The following MAP4K4 variants were observed in gnomAD, a reference collection of about 807,000 sequenced individuals.
The protein encoded by MAP4K4 is HPK/GCK-like kinase HGK.
MAP4K4 carries 38 observed loss-of-function variants against 189.6 expected under a neutral mutation model. The ratio of observed to expected loss-of-function variants is 0.20; its 90% CI spans 0.15 to 0.26. The LOEUF (loss-of-function observed/expected upper bound fraction) is 0.26, where lower values mean the gene tolerates loss of function less well. MAP4K4 is among the 10% of genes least tolerant of loss of function. The pLI is 1.00. For synonymous variants in MAP4K4, 610 were observed against 624.3 expected (o/e 0.98, Z 0.34); for missense variants, 1,054 against 1,726.9 (o/e 0.61, Z 6.91).
chr2:101,697,812 G>C (rs1470350489), exon 1 of MAP4K4: 1 of 144,916 alleles, frequency 6.9e-6, no homozygotes, highest in East Asian at 2.1e-4. Context: ...CGACGCCCGG[G>C]GGCCTGACGG....
At chr2:101,844,078 G>A in intron 11 of MAP4K4, 23 bp from the exon 12 acceptor site, 1 of 1,585,982 alleles carries the variant, frequency 6.3e-7, no homozygotes, top group South Asian at 1.1e-5. Context: ...GCACACCCCT[G>A]AAAGCCCTGC....
intron 2 of MAP4K4, among the ~76,000 whole-genome samples, chr2:101,750,748 C>T (rs2068476468): frequency 6.6e-6 from 1 of 151,460 alleles, no homozygotes; most frequent in African/African-American, 2.4e-5. Context: ...TTGCCTGAGC[C>T]TGGGAGGTGG....
intron 2 of MAP4K4, among the ~76,000 whole-genome samples, chr2:101,711,667 A>G (rs2045628453): frequency 6.6e-6 from 1 of 152,202 alleles, no homozygotes; most frequent in Admixed American, 6.5e-5. Flanking sequence ...CCATTCTCTA[A>G]TCATACTGGA....
intron 2 of MAP4K4, among the ~76,000 whole-genome samples, chr2:101,726,301 A>G (rs1362302389): frequency 6.6e-6 from 1 of 152,210 alleles, no homozygotes; most frequent in Non-Finnish European, 1.5e-5. Flanking sequence ...CTGCTTCTGA[A>G]TTAAGGTGGA....
chr2:101,830,316 T>G (rs1185772446), intron 6 of MAP4K4, among the ~76,000 whole-genome samples: 1 of 152,160 alleles, frequency 6.6e-6, no homozygotes, highest in Non-Finnish European at 1.5e-5. Context: ...CTTGATAAAT[T>G]TCTGCGTGGT....
At chr2:101,762,145 G>C (rs2076760759) in intron 2 of MAP4K4, among the ~76,000 whole-genome samples, 1 of 152,180 alleles carries the variant, frequency 6.6e-6, no homozygotes, top group Non-Finnish European at 1.5e-5. Flanking sequence ...TTTTAGTTAA[G>C]CATTCAGTAG....
Position 101,867,956 on chromosome 2 carries a change from C to T in MAP4K4, c.2455-73C>T, listed in dbSNP as rs192536592. The T allele has an allele frequency of 6.6e-5, 99 of 1,491,114 alleles. No homozygotes were observed. In the Middle Eastern group the frequency reaches 2.6e-3, roughly 39 times the overall value. 92.4% of individuals were successfully genotyped at this position (1,491,114 alleles called of 1,614,324 possible). On this transcript the variant is annotated intron_variant, in intron 20 of 32. Coordinates refer to ENST00000324219, the Ensembl canonical transcript of MAP4K4. The stretch of plus-strand genomic sequence containing the variant: ...CTTCTCCCTCTCCCCTTCTTTCTCC[C>T]GCGCTTCCTTGTACTGTGCATTCCT...
exon 19 of MAP4K4, chr2:101,866,557 C>T (rs376560483): frequency 8.7e-6 from 14 of 1,613,234 alleles, no homozygotes; most frequent in African/African-American, 2.7e-5. Flanking sequence ...AGAGTGGCTC[C>T]GGGGAACGCT....
At chr2:101,735,586 A>C (rs1178441987) in intron 2 of MAP4K4, among the ~76,000 whole-genome samples, 1 of 152,166 alleles carries the variant, frequency 6.6e-6, no homozygotes, top group African/African-American at 2.4e-5. Context: ...GGCCAAGGTC[A>C]AGGCAAAAAG....
At chr2:101,755,898 G>C (rs1472565248) in intron 2 of MAP4K4, among the ~76,000 whole-genome samples, 1 of 150,458 alleles carries the variant, frequency 6.6e-6, no homozygotes, top group African/African-American at 2.4e-5. Context: ...ATGCATGCGG[G>C]GAAACTTTAT....
intron 3 of MAP4K4, among the ~76,000 whole-genome samples, chr2:101,807,901 G>A (rs547415240): frequency 8.5e-5 from 13 of 152,330 alleles, no homozygotes; most frequent in Admixed American, 2.6e-4. Flanking sequence ...ATCAAGAGAG[G>A]TGGTGCTAAA....
intron 9 of MAP4K4, among the ~76,000 whole-genome samples, chr2:101,837,432 T>G (rs1484977567): frequency 6.6e-6 from 1 of 152,084 alleles, no homozygotes; most frequent in African/African-American, 2.4e-5. Context: ...TTTCTCATTT[T>G]TTATACAGTC....
At chr2:101,721,562 A>C (rs2052070287) in intron 2 of MAP4K4, among the ~76,000 whole-genome samples, 1 of 150,696 alleles carries the variant, frequency 6.6e-6, no homozygotes, top group South Asian at 2.1e-4. Flanking sequence ...CGGCTTCCTG[A>C]GTAGCTGAGT....
chr2:101,724,309 C>A (rs1261170410), intron 2 of MAP4K4, among the ~76,000 whole-genome samples: 2 of 152,042 alleles, frequency 1.3e-5, no homozygotes, highest in African/African-American at 4.8e-5. Context: ...TCTCAAGGGG[C>A]CAGGAGGAAT....
chr2:101,767,904 C>A (rs184671976), intron 2 of MAP4K4, among the ~76,000 whole-genome samples: 23 of 152,342 alleles, frequency 1.5e-4, no homozygotes, highest in Non-Finnish European at 2.6e-4. Flanking sequence ...CCTCACCCCC[C>A]CTTACTTTTC....
chr2:101,868,020 G>C lies in MAP4K4; in HGVS notation c.2455-9G>C, dbSNP rs1353422603. On this transcript the variant is annotated splice_polypyrimidine_tract_variant and intron_variant, in intron 20 of 32. Coordinates refer to ENST00000324219, the Ensembl canonical transcript of MAP4K4. Reference sequence around the variant, plus strand: ...TTCTCGGACTCCACGAAACTGCGCTGTACTGAAGGGCGAAGTGGTAAGCGC... The same window carrying C: ...TTCTCGGACTCCACGAAACTGCGCTCTACTGAAGGGCGAAGTGGTAAGCGC... 6.2e-7 allele frequency: 1 copy of C among 1,613,188 alleles called. No individual in the cohort carries two copies. The highest frequency in any genetic ancestry group is 1.1e-5 in the South Asian group (1 of 90,786).
chr2:101,795,208 A>T (rs1219794398), intron 3 of MAP4K4, among the ~76,000 whole-genome samples: 4 of 152,156 alleles, frequency 2.6e-5, no homozygotes, highest in Non-Finnish European at 5.9e-5. Flanking sequence ...CTCCAGGGTG[A>T]TACTTTGGCA....
intron 2 of MAP4K4, among the ~76,000 whole-genome samples, chr2:101,757,088 G>A (rs2073257235): frequency 6.6e-6 from 1 of 152,152 alleles, no homozygotes; most frequent in South Asian, 2.1e-4. Flanking sequence ...ACAACTATCT[G>A]TGTGTACCTT....
At chr2:101,863,449 CTCTCTGCCTT>C (rs948007603) in intron 16 of MAP4K4, among the ~76,000 whole-genome samples, 6 of 152,258 alleles carry the variant, frequency 3.9e-5, no homozygotes, top group African/African-American at 1.4e-4. Flanking sequence ...TTTTCTGCCT[CTCTCTGCCTT>C]TCCAGTCTCT....
Sources: gnomAD v4.1 joint callset for allele counts (sites outside exome capture counted in the v4.1 genomes callset) on GRCh38, gnomAD v4.1.1 for gene constraint, MANE v1.5 for transcripts, NCBI Gene and HGNC (gene_info 2026-07-23, HGNC 2026-07-21) for gene names.